SCTR: variants seen among roughly 807,000 people sequenced by gnomAD.
SCTR encodes secretin receptor.
SCTR carries 56 observed loss-of-function variants against 60.8 expected under a neutral mutation model. The ratio of observed to expected loss-of-function variants is 0.92; its 90% CI spans 0.74 to 1.15. The LOEUF is 1.15. SCTR is among the 50% of genes most tolerant of loss of function. The probability of loss-of-function intolerance (pLI) is 0.00; values close to 1 mark genes in which losing one functional copy is unlikely to be tolerated. For missense variants in SCTR, 562 were observed against 550.4 expected (o/e 1.02, Z -0.21); for synonymous variants, 202 against 217.0 (o/e 0.93, Z 0.61).
chr2:119,523,246 A>G (rs1228471641), intron 1 of SCTR, among the ~76,000 whole-genome samples: 1 of 150,344 alleles, frequency 6.7e-6, no homozygotes, highest in Non-Finnish European at 1.5e-5. Context: ...TCTGGCCCCC[A>G]CCTCTAACCC....
intron 2 of SCTR, among the ~76,000 whole-genome samples, chr2:119,480,484 A>G (rs550980357): frequency 6.6e-6 from 1 of 152,334 alleles, no homozygotes; most frequent in South Asian, 2.1e-4. Flanking sequence ...GACACATGGG[A>G]ATTCTGAGAG....
intron 7 of SCTR, among the ~76,000 whole-genome samples, chr2:119,454,164 G>A (rs1005664111): frequency 6.6e-5 from 10 of 152,186 alleles, no homozygotes; most frequent in Non-Finnish European, 1.3e-4. Context: ...CAGAAGTGCT[G>A]TCTGGGGCAA....
At chr2:119,520,101 T>C (rs572482064) in intron 1 of SCTR, among the ~76,000 whole-genome samples, 1 of 152,064 alleles carries the variant, frequency 6.6e-6, no homozygotes, top group Non-Finnish European at 1.5e-5. Context: ...TCAGGGATAA[T>C]AAAAATCTCA....
At chr2:119,443,174 C>G (rs1682719508) in intron 11 of SCTR, among the ~76,000 whole-genome samples, 1 of 152,162 alleles carries the variant, frequency 6.6e-6, no homozygotes, top group African/African-American at 2.4e-5. Context: ...GTTAGCTGTG[C>G]TCCAGTGTAT....
Position 119,524,140 on chromosome 2 carries a change from G to C in SCTR, c.72+15C>G. ...TCCCTCGGGTCCCCAGCCTGCAGAA[G>C]GGCGCAGTACTCACCGAGTGCGCGG... is the stretch of plus-strand genomic sequence containing the variant. On this transcript the variant is annotated intron_variant, in intron 1 of 12. Transcript: ENST00000019103. 6.5e-7 allele frequency: 1 copy of C among 1,543,598 alleles called. No individual in the cohort carries two copies. The highest frequency in any genetic ancestry group is 8.8e-7 in the Non-Finnish European group (1 of 1,142,344).
intron 1 of SCTR, among the ~76,000 whole-genome samples, chr2:119,502,826 A>T (rs1053483353): frequency 1.3e-5 from 2 of 149,776 alleles, no homozygotes; most frequent in Admixed American, 1.3e-4. Context: ...ACCTCGTCAA[A>T]AAAAAAAAAA....
chr2:119,489,835 T>C (rs1233928690), intron 2 of SCTR, among the ~76,000 whole-genome samples: 2 of 152,134 alleles, frequency 1.3e-5, no homozygotes, highest in African/African-American at 2.4e-5. Context: ...GAGCTGGGCC[T>C]CATCCTGGAA....
At chr2:119,456,061 CT>C (rs34764285) in intron 7 of SCTR, among the ~76,000 whole-genome samples, 1,375 of 121,062 alleles carry the variant, frequency 0.011, 2 homozygotes, top group Middle Eastern at 0.028. Flanking sequence ...GATTTTTCAA[CT>C]TTTTTTTTTT....
intron 1 of SCTR, among the ~76,000 whole-genome samples, chr2:119,504,974 A>T (rs1296436336): frequency 6.6e-6 from 1 of 152,186 alleles, no homozygotes; most frequent in Non-Finnish European, 1.5e-5. Context: ...TCAAAACCAC[A>T]ATGAGATACC....
chr2:119,496,984 T>G (rs1386764990), intron 1 of SCTR, among the ~76,000 whole-genome samples: 1 of 152,198 alleles, frequency 6.6e-6, no homozygotes, highest in African/African-American at 2.4e-5. Context: ...AAATAGGAGC[T>G]GTAACTTTCA....
intron 1 of SCTR, among the ~76,000 whole-genome samples, chr2:119,499,462 T>C (rs977326382): frequency 1.3e-5 from 2 of 152,066 alleles, no homozygotes; most frequent in Non-Finnish European, 2.9e-5. Flanking sequence ...GATCATGTTG[T>C]GGGCCATAAA....
chr2:119,440,562 C>G lies in SCTR; in HGVS notation c.1183-305G>C, dbSNP rs115634995. ...AGAGCAGTGGTGGGGAAAGCTAGCT[C>G]CCTGGCCCCCAGGCTGAGAGGAAAA... is the stretch of plus-strand genomic sequence containing the variant. On this transcript the variant is annotated intron_variant, in intron 12 of 12. Transcript: ENST00000019103. Among the ~76,000 whole-genome samples, 527 of 152,320 alleles carry G rather than the reference C, an allele frequency of 3.5e-3. 3 individuals are homozygous for G. Among genetic ancestry groups the G allele is most frequent in the African/African-American group, 0.012 (487 of 41,564 alleles).
At chr2:119,512,560 C>A (rs1466602910) in intron 1 of SCTR, among the ~76,000 whole-genome samples, 1 of 152,090 alleles carries the variant, frequency 6.6e-6, no homozygotes, top group Non-Finnish European at 1.5e-5. Flanking sequence ...CCAAGCCCAG[C>A]TAATTTTTGT....
At chr2:119,501,196 G>A (rs1444548376) in intron 1 of SCTR, among the ~76,000 whole-genome samples, 1 of 152,156 alleles carries the variant, frequency 6.6e-6, no homozygotes, top group Non-Finnish European at 1.5e-5. Context: ...GGATCACGAG[G>A]TCAGGAGATC....
rs1012673646 is a variant in SCTR, at chr2:119,452,026, ACAGGACCACGAATGATCCAC to A, written c.885_904del (p.Trp295CysfsTer8). 5 of 1,606,624 alleles carry A rather than the reference ACAGGACCACGAATGATCCAC, an allele frequency of 3.1e-6. No homozygotes were observed. The Admixed American group carries it at 8.4e-5, about 27-fold the overall frequency. ...GCCACTCACCAGGATGGAGAGGATC[ACAGGACCACGAATGATCCAC>A]CAGATGGATGCGTTGGCATTGATGT... On this transcript the variant is annotated frameshift_variant, in exon 9 of 13. Transcript: ENST00000019103. LOFTEE classifies it high-confidence loss of function.
Position 119,452,098 on chromosome 2 carries a change from G to C in SCTR, c.852-19C>G. 1.3e-6 allele frequency: 2 copies of C among 1,551,110 alleles called. No homozygotes were observed. Among genetic ancestry groups the C allele is most frequent in the South Asian group, 2.3e-5 (2 of 87,502 alleles). On this transcript the variant is annotated intron_variant, in intron 8 of 12. Transcript: ENST00000019103. ...CCAGCACCTAAGGGAGGGACAGCTG[G>C]GCATGGTTATGAGCAGGAGCTGTGG...
chr2:119,504,818 A>G (rs1325257679), intron 1 of SCTR, among the ~76,000 whole-genome samples: 4 of 152,204 alleles, frequency 2.6e-5, no homozygotes, highest in African/African-American at 9.6e-5. Context: ...TACAAACTAC[A>G]TATTCAAGGA....
intron 11 of SCTR, among the ~76,000 whole-genome samples, chr2:119,445,226 C>T (rs756245944): frequency 3.1e-4 from 47 of 152,240 alleles, no homozygotes; most frequent in Admixed American, 5.2e-4. Context: ...CAGGTCAAGT[C>T]CTTCCACCCG....
At chr2:119,489,145 G>T (rs1050390067) in intron 2 of SCTR, among the ~76,000 whole-genome samples, 5 of 152,156 alleles carry the variant, frequency 3.3e-5, no homozygotes, top group African/African-American at 1.2e-4. Flanking sequence ...CATAGGGGAA[G>T]GCCAGGGAAG....
Sources: gnomAD v4.1 joint callset for allele counts (sites outside exome capture counted in the v4.1 genomes callset) on GRCh38, gnomAD v4.1.1 for gene constraint, MANE v1.5 for transcripts, NCBI Gene and HGNC (gene_info 2026-07-23, HGNC 2026-07-21) for gene names.